Variants in OPHN1 observed in about 807,000 individuals in gnomAD.
OPHN1 encodes the protein oligophrenin-1.
A neutral mutation model predicts 60.7 loss-of-function variants in OPHN1; 11 were observed. That is an observed-to-expected ratio of 0.18 (90% CI 0.11 to 0.30). The LOEUF (loss-of-function observed/expected upper bound fraction) is 0.30. Ranked by LOEUF, OPHN1 falls within the 10% of genes least tolerant of loss-of-function variation. The pLI is 1.00. For missense variants in OPHN1, 449 were observed against 611.0 expected, an observed-to-expected ratio of 0.73 and a Z score of 2.80; for synonymous variants, 226 against 222.6, an observed-to-expected ratio of 1.02 and a Z score of -0.14.
At chrX:68,191,095 C>A (rs1320594417) in intron 15 of OPHN1, among the ~76,000 whole-genome samples, 1 of 111,706 alleles carries the variant, frequency 9.0e-6, no homozygotes, top group Non-Finnish European at 1.9e-5. Flanking sequence ...ATCCAAACTG[C>A]AGTTTTCCAC....
rs750254176 is a variant in OPHN1 at position 68,319,501 on chromosome X, C to T, written c.155-20405G>A. Among the ~76,000 whole-genome samples, 98 of 110,269 alleles carry T rather than the reference C, an allele frequency of 8.9e-4. 1 individual carries two copies. The Admixed American group carries it at 9.5e-3, about 11-fold the overall frequency. ...CTGTAATCCCAGCACTTTGGGAGGC[C>T]GAGGCAGGTGGATCACTTGAGCACA... is the stretch of plus-strand genomic sequence containing the variant. On this transcript the variant is annotated intron_variant, in intron 2 of 24. Coordinates refer to ENST00000355520, the MANE Select transcript of OPHN1 (RefSeq NM_002547.3).
At chrX:68,349,500 T>C (rs1290506420) in intron 2 of OPHN1, among the ~76,000 whole-genome samples, 5 of 111,887 alleles carry the variant, frequency 4.5e-5, no homozygotes, top group Non-Finnish European at 9.4e-5. Flanking sequence ...GTCAGTGTGG[T>C]GATTCCTCAG....
In OPHN1 at chrX:68,209,216, CATA is replaced by C. The variant is rs2077573327; in HGVS notation, c.832+934_832+936del. Among the ~76,000 whole-genome samples the C allele has an allele frequency of 5.4e-5, 6 of 111,870 alleles. No individual in the cohort carries two copies. In the South Asian group the frequency reaches 1.9e-3, roughly 35 times the overall value. ...AAATCAAATCACACATACAGGTGTG[CATA>C]ATGTTACTGAGGAATTAGGAAAGAT... On this transcript the variant is annotated intron_variant, in intron 9 of 24. Transcript: ENST00000355520.
At chrX:68,090,242 C>G (rs200626493) in intron 19 of OPHN1, among the ~76,000 whole-genome samples, 6 of 98,157 alleles carry the variant, frequency 6.1e-5, no homozygotes, top group East Asian at 3.2e-4. Flanking sequence ...GTGTGTGTGT[C>G]TGTGTGTGTG....
intron 2 of OPHN1, among the ~76,000 whole-genome samples, chrX:68,413,885 A>G (rs959211345): frequency 1.8e-5 from 2 of 111,724 alleles, no homozygotes; most frequent in East Asian, 5.6e-4. Flanking sequence ...CATAAGGGGG[A>G]AGGAAGTCTC....
At chrX:68,237,910 C>T (rs778867733) in intron 5 of OPHN1, among the ~76,000 whole-genome samples, 4 of 112,083 alleles carry the variant, frequency 3.6e-5, no homozygotes, top group South Asian at 7.4e-4. Context: ...AAGTGAAGAA[C>T]GTAGACATCC....
intron 2 of OPHN1, among the ~76,000 whole-genome samples, chrX:68,430,573 A>G (rs968676168): frequency 5.4e-5 from 6 of 111,686 alleles, no homozygotes; most frequent in Non-Finnish European, 1.1e-4. Flanking sequence ...CTGCAATCCC[A>G]GCACTTTGAG....
intron 20 of OPHN1, among the ~76,000 whole-genome samples, chrX:68,072,634 G>A (rs997725517): frequency 6.3e-5 from 7 of 111,478 alleles, no homozygotes; most frequent in Non-Finnish European, 1.3e-4. Flanking sequence ...AATGGTCTTA[G>A]TGGAGTAGGA....
intron 21 of OPHN1, among the ~76,000 whole-genome samples, chrX:68,058,806 C>CTGG (rs368803442): frequency 8.9e-6 from 1 of 111,997 alleles, no homozygotes; most frequent in African/African-American, 3.2e-5. Flanking sequence ...GTTGAGAAAA[C>CTGG]TGGCTCAAAG....
intron 16 of OPHN1, among the ~76,000 whole-genome samples, chrX:68,113,774 T>TGGA (rs2077114890): frequency 1.2e-5 from 1 of 80,780 alleles, no homozygotes. Flanking sequence ...TGAGAACACA[T>TGGA]GGACACAGGA....
intron 5 of OPHN1, among the ~76,000 whole-genome samples, chrX:68,273,154 T>C (rs1470644516): frequency 8.9e-6 from 1 of 111,783 alleles, no homozygotes; most frequent in African/African-American, 3.3e-5. Context: ...CTCATGCCTG[T>C]AATACCAGCA....
At chrX:68,395,232 C>T (rs2078677198) in intron 2 of OPHN1, among the ~76,000 whole-genome samples, 1 of 111,035 alleles carries the variant, frequency 9.0e-6, no homozygotes, top group Admixed American at 9.6e-5. Flanking sequence ...GCTGGGATTA[C>T]AGGCATGAGC....
At chrX:68,341,968 GT>G (rs1173542561) in intron 2 of OPHN1, among the ~76,000 whole-genome samples, 1,947 of 84,792 alleles carry the variant, frequency 0.023, 17 homozygotes, top group African/African-American at 0.079. Flanking sequence ...AATTTTTGGT[GT>G]TTTTTTTTTT....
chrX:68,283,214 T>C (rs1404448017), intron 3 of OPHN1, 97 bp from the exon 4 acceptor site: 1 of 655,697 alleles, frequency 1.5e-6, no homozygotes, highest in Non-Finnish European at 2.5e-6. Context: ...ACCAGTGCCC[T>C]ATGCCCACAT....
chrX:68,232,830 G>C (rs1305809261), intron 6 of OPHN1, among the ~76,000 whole-genome samples: 2 of 110,904 alleles, frequency 1.8e-5, no homozygotes. Flanking sequence ...AACAAAAGTG[G>C]GCAAAAGGAA....
chrX:68,402,530 T>C (rs2078721074), intron 2 of OPHN1, among the ~76,000 whole-genome samples: 1 of 111,716 alleles, frequency 9.0e-6, no homozygotes, highest in Admixed American at 9.6e-5. Context: ...TAGCCGGATT[T>C]TGACTCAAAG....
intron 15 of OPHN1, among the ~76,000 whole-genome samples, chrX:68,183,935 T>C (rs1206106479): frequency 4.5e-5 from 5 of 112,008 alleles, no homozygotes. Flanking sequence ...ATTTACAAGG[T>C]GTTCAAATAT....
intron 2 of OPHN1, among the ~76,000 whole-genome samples, chrX:68,325,247 A>T (rs1009541416): frequency 5.9e-4 from 65 of 110,168 alleles, no homozygotes; most frequent in Non-Finnish European, 1.1e-3. Flanking sequence ...CAATCTAAAA[A>T]CAGTTAAGAA....
rs767322949 is a variant in OPHN1 at position 68,261,498 on chromosome X, T to C, written c.384+13240A>G. On this transcript the variant is annotated intron_variant, in intron 5 of 24. Coordinates refer to ENST00000355520, the MANE Select transcript of OPHN1 (RefSeq NM_002547.3). ...AAGTCGGTGGGGGGAGGCGGGGAAG[T>C]TGCATGATTATAGGAAGGCGAATAG... Among the ~76,000 whole-genome samples, 3 of 110,449 alleles carry C rather than the reference T, an allele frequency of 2.7e-5. No individual in the cohort carries two copies. The South Asian group carries it at 1.2e-3, about 43-fold the overall frequency.
Sources: gnomAD v4.1 joint callset for allele counts (sites outside exome capture counted in the v4.1 genomes callset) on GRCh38, gnomAD v4.1.1 for gene constraint, MANE v1.5 for transcripts, NCBI Gene and HGNC (gene_info 2026-07-23, HGNC 2026-07-21) for gene names.